The following CFAP54 variants were observed in gnomAD, a reference collection of about 807,000 sequenced individuals.
CFAP54 encodes the protein cilia and flagella associated protein 54, also known as cilia- and flagella-associated protein 54.
In CFAP54, 290 loss-of-function variants were observed where a neutral mutation model predicts 370.4. The observed-to-expected ratio is 0.78, with a 90% confidence interval of 0.71 to 0.86. The LOEUF is 0.86. Among genes scored for constraint, CFAP54 ranks in the 40% least tolerant of loss-of-function variants. CFAP54 has a pLI of 0.00. For missense variants in CFAP54, 3,399 were observed against 3,528.7 expected, an observed-to-expected ratio of 0.96 and a Z score of 0.93; for synonymous variants, 1,206 against 1,236.5, an observed-to-expected ratio of 0.98 and a Z score of 0.52.
Position 96,554,686 on chromosome 12 carries a change from A to T in CFAP54, c.2294A>T (p.His765Leu). The T allele has an allele frequency of 6.5e-7, 1 of 1,533,380 alleles. No individual in the cohort carries two copies. 95.0% of individuals were successfully genotyped at this position (1,533,380 alleles called of 1,614,324 possible). The change falls in exon 17 of 68, where the codon CAT becomes CTT. Residue 765 changes from histidine to leucine, a missense_variant. Physicochemically the swap from His to Leu is moderately conservative, Grantham distance 99. Around this residue, in one of 3 missense-constraint regions of CFAP54, gnomAD observed 2,796 missense variants for 2,869.7 expected, o/e 0.97. Coordinates refer to ENST00000524981, the MANE Select transcript of CFAP54 (RefSeq NM_001306084.2). ...IDHCYAKRTH[H>L]IDGDTYKPLA... is the part of the protein sequence containing the mutation. ...TCTGTTGGACCAAAGCGTACCCACCATATAGATGGAGATACTTACAAACCA... is the reference window on the plus strand; with the variant it reads ...TCTGTTGGACCAAAGCGTACCCACCTTATAGATGGAGATACTTACAAACCA...
At chr12:96,522,970 C>G (rs1158425072) in intron 8 of CFAP54, among the ~76,000 whole-genome samples, 1 of 152,236 alleles carries the variant, frequency 6.6e-6, no homozygotes, top group Non-Finnish European at 1.5e-5. Context: ...GGCAAAGTTA[C>G]ACCTGTGGGG....
At chr12:96,558,777 C>G (rs372123874) in intron 17 of CFAP54, among the ~76,000 whole-genome samples, 1 of 152,252 alleles carries the variant, frequency 6.6e-6, no homozygotes, top group Admixed American at 6.5e-5. Flanking sequence ...TAAAACTACT[C>G]CAAGATACCA....
At chr12:96,643,324 A>G (rs988507684) in intron 32 of CFAP54, among the ~76,000 whole-genome samples, 1 of 152,020 alleles carries the variant, frequency 6.6e-6, no homozygotes, top group African/African-American at 2.4e-5. Flanking sequence ...CCTTTCTTCA[A>G]ATGTTTCCTC....
At chr12:96,836,245 T>C (rs1168098163) in intron 66 of CFAP54, among the ~76,000 whole-genome samples, 2 of 152,128 alleles carry the variant, frequency 1.3e-5, no homozygotes, top group East Asian at 1.9e-4. Context: ...GAGGGAATGG[T>C]CTTCAGAGAG....
At chr12:96,593,762 T>C (rs1415522393) in intron 24 of CFAP54, among the ~76,000 whole-genome samples, 1 of 152,032 alleles carries the variant, frequency 6.6e-6, no homozygotes, top group Admixed American at 6.5e-5. Context: ...CTAACTATTC[T>C]TTTTAAGTGG....
At chr12:96,792,611 A>G in intron 63 of CFAP54, 112 bp downstream of exon 63, 2 of 730,704 alleles carry the variant, frequency 2.7e-6, no homozygotes, top group East Asian at 2.9e-5. Context: ...GAGAACAGGT[A>G]TCAATATATA....
At position 96,849,480 on chromosome 12, in the gene CFAP54, C is replaced by T. The variant is rs556876660; in HGVS notation, c.9172-11339C>T. Among the ~76,000 whole-genome samples the T allele has an allele frequency of 1.8e-3, 278 of 152,180 alleles. 1 individual carries two copies. Among genetic ancestry groups the T allele is most frequent in the African/African-American group, 6.0e-3 (251 of 41,502 alleles). On this transcript the variant is annotated intron_variant, in intron 66 of 67. Transcript: ENST00000524981. ...ACAGTGTGCAGAGAGAAGGAAGAGG[C>T]CTCAGAGTAGGTGCTCAACAAAATC...
chr12:96,642,498 C>T (rs1027698299), intron 32 of CFAP54, among the ~76,000 whole-genome samples: 2 of 152,150 alleles, frequency 1.3e-5, no homozygotes, highest in African/African-American at 4.8e-5. Context: ...CTGTATCTCT[C>T]TATCTCTCTG....
chr12:96,862,881 T>C lies in CFAP54; in HGVS notation c.*14+1929T>C, dbSNP rs4762335. Among the ~76,000 whole-genome samples the C allele has an allele frequency of 8.4e-3, 1,286 of 152,264 alleles. 50 individuals are homozygous for C. The East Asian group carries it at 0.094, about 11-fold the overall frequency. ...TCTCAATGGTGAGAGTTTAATTTATTATGCAAAGCTAGTTATCAAGGTCAA... is the reference window on the plus strand; with the variant it reads ...TCTCAATGGTGAGAGTTTAATTTATCATGCAAAGCTAGTTATCAAGGTCAA... On this transcript the variant is annotated intron_variant, in intron 67 of 67. Transcript: ENST00000524981.
At chr12:96,586,719 A>G (rs1279221649) in intron 22 of CFAP54, among the ~76,000 whole-genome samples, 1 of 152,190 alleles carries the variant, frequency 6.6e-6, no homozygotes, top group Non-Finnish European at 1.5e-5. Flanking sequence ...GGAGCAGATC[A>G]TGAAAAGACT....
intron 50 of CFAP54, among the ~76,000 whole-genome samples, chr12:96,732,627 T>C (rs888949166): frequency 5.9e-5 from 9 of 152,238 alleles, no homozygotes; most frequent in African/African-American, 2.2e-4. Flanking sequence ...ATTTCTAATG[T>C]TGGCAAATGT....
intron 67 of CFAP54, among the ~76,000 whole-genome samples, chr12:96,874,173 G>A (rs908750065): frequency 2.0e-5 from 3 of 152,050 alleles, no homozygotes; most frequent in Non-Finnish European, 4.4e-5. Flanking sequence ...AAATCCTCTA[G>A]GGAACTCTGC....
Position 96,718,460 on chromosome 12 carries a change from G to T in CFAP54, c.6742G>T (p.Asp2248Tyr). ...PNLEEIYSKD[D>Y]GSSFYNLTKL... The stretch of plus-strand genomic sequence containing the variant: ...CTTTATAGAGATATATTCAAAGGAT[G>T]ATGGAAGTTCATTTTATAATCTTAC... The change falls in exon 49 of 68, where the codon GAT (aspartate) becomes TAT (tyrosine). Residue 2248 changes from aspartate (D) to tyrosine (Y), a missense_variant. By Grantham distance (160) the Asp-to-Tyr change is radical (BLOSUM62 -3). Coordinates refer to ENST00000524981, the MANE Select transcript of CFAP54 (RefSeq NM_001306084.2). The T allele has an allele frequency of 6.4e-7, 1 of 1,555,980 alleles. No homozygotes were observed. The highest frequency in any genetic ancestry group is 8.9e-7 in the Non-Finnish European group (1 of 1,127,990).
chr12:96,629,120 CTTTTACAGTATTCTCTGAG>C (rs930022743), intron 30 of CFAP54, among the ~76,000 whole-genome samples: 11 of 152,058 alleles, frequency 7.2e-5, no homozygotes, highest in Non-Finnish European at 1.2e-4. Context: ...TCTAGGGTTA[CTTTTACAGTATTCTCTGAG>C]TTATAAGGGA....
At chr12:96,718,233 C>T (rs2136605451) in intron 48 of CFAP54, among the ~76,000 whole-genome samples, 1 of 152,164 alleles carries the variant, frequency 6.6e-6, no homozygotes, top group African/African-American at 2.4e-5. Context: ...GTGGTGTGCG[C>T]CCGTAGTCCC....
chr12:96,837,073 T>C (rs112217663), intron 66 of CFAP54, among the ~76,000 whole-genome samples: 2,337 of 152,296 alleles, frequency 0.015, 71 homozygotes, highest in African/African-American at 0.053. Context: ...CCTCCCATCT[T>C]GTTCCCCCAA....
At chr12:96,745,990 G>T (rs1958110383) in intron 55 of CFAP54, among the ~76,000 whole-genome samples, 1 of 152,104 alleles carries the variant, frequency 6.6e-6, no homozygotes, top group South Asian at 2.1e-4. Flanking sequence ...GCCTAACTCT[G>T]CTTTGCGAGC....
chr12:96,721,936 G>A lies in CFAP54; in HGVS notation c.6965+1371G>A, dbSNP rs556643490. Among the ~76,000 whole-genome samples, 12 of 152,258 alleles carry A rather than the reference G, an allele frequency of 7.9e-5. No individual in the cohort carries two copies. In the East Asian group the frequency reaches 1.3e-3, roughly 17 times the overall value. On this transcript the variant is annotated intron_variant, in intron 50 of 67. Transcript: ENST00000524981. ...GGGGACGAGTTACCATTTTAAAATC[G>A]TGTGGTTGTAATAAGTGTGACTCCA...
intron 63 of CFAP54, 77 bp from the exon 64 acceptor site, chr12:96,811,659 G>C (rs988018236): frequency 1.4e-6 from 1 of 738,426 alleles, no homozygotes; most frequent in Non-Finnish European, 2.1e-6. Context: ...ATATTATTTT[G>C]TGAACTAATG....
Sources: allele counts gnomAD v4.1 joint callset (sites outside exome capture counted in the v4.1 genomes callset), GRCh38; gene constraint gnomAD v4.1.1; regional missense constraint gnomAD v4.1.1; transcripts MANE v1.5; gene names NCBI Gene and HGNC (gene_info 2026-07-23, HGNC 2026-07-21).